Variants in TRNAU1AP observed in about 807,000 individuals in gnomAD.
The protein encoded by TRNAU1AP is tRNA selenocysteine 1-associated protein 1.
In TRNAU1AP, 33 loss-of-function variants were observed where a neutral mutation model predicts 43.3. That is an observed-to-expected ratio of 0.76 (90% CI 0.58 to 1.02). The LOEUF is 1.02. Ranked by LOEUF, TRNAU1AP falls within the 50% of genes least tolerant of loss-of-function variation. The pLI is 0.00. For missense variants in TRNAU1AP, 290 were observed against 362.7 expected, an observed-to-expected ratio of 0.80 and a Z score of 1.63; for synonymous variants, 143 against 129.1, an observed-to-expected ratio of 1.11 and a Z score of -0.73.
intron 2 of TRNAU1AP, among the ~76,000 whole-genome samples, chr1:28,554,879 C>T (rs1166188779): frequency 6.6e-6 from 1 of 150,914 alleles, no homozygotes; most frequent in Non-Finnish European, 1.5e-5. Context: ...AATAACAAGT[C>T]AGGACTTGAA....
rs1233405545 is a variant in TRNAU1AP, at chr1:28,577,745, CTG to C, written c.*111_*112del. The stretch of plus-strand genomic sequence containing the variant: ...ATGATTTGTAAGATTTTAATAATGA[CTG>C]TTTTTGGAGATCATGAATGTTTCTA... On this transcript the variant is annotated 3_prime_UTR_variant, in exon 9 of 9. Transcript: ENST00000373830. 6 of 1,248,782 alleles carry C rather than the reference CTG, an allele frequency of 4.8e-6. No homozygotes were observed. In the African/African-American group the frequency reaches 7.5e-5, roughly 16 times the overall value. 77.4% of individuals were successfully genotyped at this position (1,248,782 alleles called of 1,614,324 possible).
intron 2 of TRNAU1AP, among the ~76,000 whole-genome samples, chr1:28,556,887 G>A (rs61785999): frequency 0.26 from 39,646 of 151,736 alleles, 5,376 homozygotes; most frequent in Middle Eastern, 0.35. Context: ...ATTTCACTGT[G>A]TTAGCCAGGA....
chr1:28,560,893 T>C (rs1665390540), intron 3 of TRNAU1AP, 161 bp downstream of exon 3: 4 of 852,086 alleles, frequency 4.7e-6, no homozygotes, highest in African/African-American at 1.7e-5. Context: ...GCTCAGGGAA[T>C]TGAAATAACT....
chr1:28,567,231 C>G (rs1473936111), intron 5 of TRNAU1AP, 63 bp from the exon 6 acceptor site: 7 of 1,564,168 alleles, frequency 4.5e-6, no homozygotes, highest in African/African-American at 1.4e-5. Context: ...ACTTCTTTTT[C>G]ATGTGTCCAT....
intron 4 of TRNAU1AP, among the ~76,000 whole-genome samples, chr1:28,563,860 GAAAA>G (rs555463429): frequency 3.4e-5 from 5 of 147,064 alleles, no homozygotes; most frequent in Non-Finnish European, 7.5e-5. Flanking sequence ...TCAACAAAAA[GAAAA>G]AAAAAATAAC....
At chr1:28,553,809 G>C in intron 2 of TRNAU1AP, 72 bp downstream of exon 2, 1 of 1,361,574 alleles carries the variant, frequency 7.3e-7, no homozygotes, top group Non-Finnish European at 1.0e-6. Flanking sequence ...AAACATCGTA[G>C]TCATGGCTTC....
Position 28,573,036 on chromosome 1 carries a change from CT to C in TRNAU1AP, c.727+1152del, listed in dbSNP as rs534588648. On this transcript the variant is annotated intron_variant, in intron 8 of 8. Transcript: ENST00000373830. Reference sequence around the variant, plus strand: ...TAGCCATTATTAATTTTTTCTTTTTCTTTTTTTTTTTTTTTTGAGGCAGAGT... The same window carrying C: ...TAGCCATTATTAATTTTTTCTTTTTCTTTTTTTTTTTTTTTGAGGCAGAGT... 4.3e-3 allele frequency among the ~76,000 whole-genome samples: 576 copies of C among 133,722 alleles called. 2 individuals are homozygous for C. The highest frequency in any genetic ancestry group is 0.013 in the African/African-American group (478 of 35,984). The allele number at this position is 133,722 out of a possible 152,430, so 87.7% of individuals were successfully genotyped here.
chr1:28,554,567 C>T (rs908913913), intron 2 of TRNAU1AP, among the ~76,000 whole-genome samples: 5 of 152,154 alleles, frequency 3.3e-5, no homozygotes, highest in African/African-American at 9.6e-5. Context: ...AATAGCCGGG[C>T]GCAGTGGCTC....
intron 6 of TRNAU1AP, among the ~76,000 whole-genome samples, chr1:28,570,212 T>C (rs1665634163): frequency 6.6e-6 from 1 of 151,926 alleles, no homozygotes; most frequent in Non-Finnish European, 1.5e-5. Context: ...GCCTCCCAAG[T>C]GGCTGGGATT....
intron 3 of TRNAU1AP, 150 bp from the exon 4 acceptor site, chr1:28,561,196 C>G: frequency 6.8e-7 from 1 of 1,468,166 alleles, no homozygotes; most frequent in Non-Finnish European, 9.0e-7. Context: ...GTCATCCGTG[C>G]AACCCCCTCA....
In TRNAU1AP at chr1:28,556,010, C is replaced by T. The variant is rs907423323; in HGVS notation, c.125+2273C>T. 4.6e-5 allele frequency among the ~76,000 whole-genome samples: 7 copies of T among 151,836 alleles called. No homozygotes were observed. In the East Asian group the frequency reaches 5.8e-4, roughly 13 times the overall value. ...CTGGGACTACAGGCGCCCGCCACCA[C>T]GCCAGGCTAATTTTTTGTATTTTTA... On this transcript the variant is annotated intron_variant, in intron 2 of 8. Transcript: ENST00000373830.
chr1:28,570,538 G>A (rs887389496), intron 6 of TRNAU1AP, among the ~76,000 whole-genome samples: 4 of 150,614 alleles, frequency 2.7e-5, no homozygotes, highest in Non-Finnish European at 5.9e-5. Context: ...GTGAGCCACC[G>A]CACCCAGCCC....
chr1:28,577,775 ACAC>A lies in TRNAU1AP; in HGVS notation c.*140_*142del. ...TTTGGAGATCATGAATGTTTCTACA[ACAC>A]TGCTGCATTCATTTGACCATTTGAG... On this transcript the variant is annotated 3_prime_UTR_variant, in exon 9 of 9. Transcript: ENST00000373830. The A allele has an allele frequency of 1.1e-6, 1 of 911,158 alleles. No homozygotes were observed. The highest frequency in any genetic ancestry group is 1.6e-6 in the Non-Finnish European group (1 of 607,296). 56.4% of individuals were successfully genotyped at this position (911,158 alleles called of 1,614,324 possible).
intron 8 of TRNAU1AP, among the ~76,000 whole-genome samples, chr1:28,576,320 ATT>A (rs879631148): frequency 7.3e-5 from 10 of 137,806 alleles, no homozygotes; most frequent in Admixed American, 1.5e-4. Flanking sequence ...TGCCCAGCTA[ATT>A]TTTTTTTTTT....
intron 5 of TRNAU1AP, among the ~76,000 whole-genome samples, chr1:28,566,682 A>G (rs1265846045): frequency 6.6e-6 from 1 of 150,800 alleles, no homozygotes. Context: ...TGGCGTGAAC[A>G]TGGGAGGCGG....
chr1:28,558,133 C>G (rs534399031), intron 2 of TRNAU1AP, among the ~76,000 whole-genome samples: 4 of 146,568 alleles, frequency 2.7e-5, no homozygotes, highest in African/African-American at 1.0e-4. Context: ...TCCTGACCTC[C>G]TGATCCACCC....
intron 4 of TRNAU1AP, among the ~76,000 whole-genome samples, chr1:28,561,802 G>T (rs1005879321): frequency 1.3e-5 from 2 of 152,058 alleles, no homozygotes; most frequent in South Asian, 2.1e-4. Context: ...GCCGGGTGTG[G>T]TGGCTCACTC....
chr1:28,567,485 CAGGGCAT>C, intron 6 of TRNAU1AP, 72 bp downstream of exon 6: 1 of 1,499,568 alleles, frequency 6.7e-7, no homozygotes, highest in South Asian at 1.3e-5. Context: ...TGCTGAGAAT[CAGGGCAT>C]CCATACGCTG....
intron 6 of TRNAU1AP, among the ~76,000 whole-genome samples, chr1:28,568,736 A>G (rs562130835): frequency 1.1e-4 from 17 of 152,090 alleles, no homozygotes; most frequent in African/African-American, 2.9e-4. Flanking sequence ...ACATCATGCA[A>G]TTCATCGGAC....
Sources: allele counts gnomAD v4.1 joint callset (sites outside exome capture counted in the v4.1 genomes callset), GRCh38; gene constraint gnomAD v4.1.1; transcripts MANE v1.5; gene names NCBI Gene and HGNC (gene_info 2026-07-23, HGNC 2026-07-21).